KIAA0232: variants seen among roughly 807,000 people sequenced by gnomAD.
The protein encoded by KIAA0232 is uncharacterized protein KIAA0232.
In KIAA0232, 27 loss-of-function variants were observed where a neutral mutation model predicts 122.0. The ratio of observed to expected loss-of-function variants is 0.22; its 90% CI spans 0.16 to 0.31. KIAA0232 has a LOEUF of 0.31. Among genes scored for constraint, KIAA0232 ranks in the 10% least tolerant of loss-of-function variants. KIAA0232 has a pLI of 1.00. For missense variants in KIAA0232, 1,551 were observed against 1,634.2 expected, an observed-to-expected ratio of 0.95 and a Z score of 0.88; for synonymous variants, 613 against 587.6, an observed-to-expected ratio of 1.04 and a Z score of -0.63.
Position 6,863,022 on chromosome 4 carries a change from G to A in KIAA0232, c.2640G>A (p.Arg880=), listed in dbSNP as rs773016466. 4.3e-5 allele frequency: 70 copies of A among 1,614,112 alleles called. No individual in the cohort carries two copies. Among genetic ancestry groups the A allele is most frequent in the Non-Finnish European group, 5.3e-5 (62 of 1,180,052 alleles). The change falls in exon 7 of 10, where the codon AGG becomes AGA. Residue 880 remains arginine (R), a synonymous_variant. Transcript: ENST00000307659. Reference sequence around the variant, plus strand: ...AGGAGCCTGATAAGGCTGTGCGGAGGTCAGAGTACCATCTGTGGGAGGGAC... The same window carrying A: ...AGGAGCCTGATAAGGCTGTGCGGAGATCAGAGTACCATCTGTGGGAGGGAC... ...TLQEPDKAVR[R]SEYHLWEGQK...
chr4:6,823,033 G>GT (rs1560174751), intron 2 of KIAA0232, among the ~76,000 whole-genome samples: 3 of 150,206 alleles, frequency 2.0e-5, no homozygotes, highest in East Asian at 3.9e-4. Context: ...GTGGTGTTTG[G>GT]TTTTTTGTTC....
intron 2 of KIAA0232, among the ~76,000 whole-genome samples, chr4:6,817,287 C>T (rs116586729): frequency 1.1e-3 from 173 of 152,258 alleles, no homozygotes; most frequent in African/African-American, 3.6e-3. Flanking sequence ...GATCTCGACT[C>T]GCTGCAGCCG....
At chr4:6,792,585 A>G (rs144903148) in intron 1 of KIAA0232, among the ~76,000 whole-genome samples, 158 of 152,184 alleles carry the variant, frequency 1.0e-3, no homozygotes, top group African/African-American at 3.7e-3. Flanking sequence ...CATAAAGTTT[A>G]TAAAGGCACA....
chr4:6,866,081 C>A, intron 7 of KIAA0232: 1 of 252,818 alleles, frequency 4.0e-6, no homozygotes. Flanking sequence ...CCCATTGAAA[C>A]ACTGCTAAGA....
rs754749642 is a variant in KIAA0232, at chr4:6,876,649, A to G, written c.3911-11A>G. 1 of 1,562,910 alleles carries G rather than the reference A, an allele frequency of 6.4e-7. No individual in the cohort carries two copies. Among genetic ancestry groups the G allele is most frequent in the Non-Finnish European group, 8.8e-7 (1 of 1,133,376 alleles). On this transcript the variant is annotated splice_polypyrimidine_tract_variant and intron_variant, in intron 8 of 9. Transcript: ENST00000307659. ...TTCCCTCTTTTCCCTTCTCCATTCCAAATGATTAAGAATGTTACACAAATG... is the reference window on the plus strand; with the variant it reads ...TTCCCTCTTTTCCCTTCTCCATTCCGAATGATTAAGAATGTTACACAAATG...
intron 3 of KIAA0232, among the ~76,000 whole-genome samples, chr4:6,836,703 C>T (rs1719300083): frequency 6.6e-6 from 1 of 151,910 alleles, no homozygotes; most frequent in Non-Finnish European, 1.5e-5. Flanking sequence ...CCGCCTTCCG[C>T]AGTGTTTGTG....
chr4:6,843,024 A>G (rs181315123), intron 4 of KIAA0232, among the ~76,000 whole-genome samples: 1 of 152,282 alleles, frequency 6.6e-6, no homozygotes, highest in Admixed American at 6.5e-5. Context: ...TTGGCATATG[A>G]TTTATATATT....
At chr4:6,788,833 A>G (rs1054699491) in intron 1 of KIAA0232, among the ~76,000 whole-genome samples, 1 of 152,230 alleles carries the variant, frequency 6.6e-6, no homozygotes, top group Non-Finnish European at 1.5e-5. Context: ...GGCAGCTTTT[A>G]GCTATTAATT....
intron 2 of KIAA0232, among the ~76,000 whole-genome samples, chr4:6,807,305 A>G (rs1717682847): frequency 1.3e-5 from 2 of 152,188 alleles, no homozygotes; most frequent in African/African-American, 4.8e-5. Flanking sequence ...TCAAGTAGTA[A>G]TCTTATCTAT....
chr4:6,832,442 A>AG (rs1261078856), intron 3 of KIAA0232, among the ~76,000 whole-genome samples: 1 of 146,888 alleles, frequency 6.8e-6, no homozygotes, highest in Non-Finnish European at 1.5e-5. Context: ...TCCACCTCCC[A>AG]GGTTCAAGCG....
At position 6,862,620 on chromosome 4, in the gene KIAA0232, TCCTAGAGTCTC is replaced by T; in HGVS notation, c.2239_2249del (p.Pro747ValfsTer6). The T allele has an allele frequency of 6.2e-7, 1 of 1,613,536 alleles. No individual in the cohort carries two copies. The highest frequency in any genetic ancestry group is 8.5e-7 in the Non-Finnish European group (1 of 1,179,890). Reference sequence around the variant, plus strand: ...ATGCCGAAGATATTAATTATGTAGTTCCTAGAGTCTCGTCAAATTATGTAGATGAAGAACTT... The same window carrying T: ...ATGCCGAAGATATTAATTATGTAGTTGTCAAATTATGTAGATGAAGAACTT... On this transcript the variant is annotated frameshift_variant, in exon 7 of 10. Coordinates refer to ENST00000307659, the MANE Select transcript of KIAA0232 (RefSeq NM_014743.3). LOFTEE classifies it high-confidence loss of function.
At chr4:6,783,929 G>C (rs933540803) in intron 1 of KIAA0232, among the ~76,000 whole-genome samples, 1 of 152,210 alleles carries the variant, frequency 6.6e-6, no homozygotes, top group East Asian at 1.9e-4. Context: ...TGTGTGTCGT[G>C]TTGGAATGCT....
At chr4:6,789,206 C>T (rs1365434093) in intron 1 of KIAA0232, among the ~76,000 whole-genome samples, 10 of 151,770 alleles carry the variant, frequency 6.6e-5, no homozygotes, top group Non-Finnish European at 1.3e-4. Flanking sequence ...CTCCTGACCT[C>T]GTGGTCTGCC....
At chr4:6,822,784 T>A (rs950924330) in intron 2 of KIAA0232, among the ~76,000 whole-genome samples, 1 of 151,562 alleles carries the variant, frequency 6.6e-6, no homozygotes, top group Non-Finnish European at 1.5e-5. Flanking sequence ...TTTTTTAATT[T>A]ATTATTATTA....
intron 7 of KIAA0232, among the ~76,000 whole-genome samples, chr4:6,869,757 C>CA (rs1721373415): frequency 6.6e-6 from 1 of 152,200 alleles, no homozygotes; most frequent in African/African-American, 2.4e-5. Context: ...ACATAACAGA[C>CA]ACTCATTACG....
At chr4:6,818,039 C>G (rs1718218229) in intron 2 of KIAA0232, among the ~76,000 whole-genome samples, 1 of 152,068 alleles carries the variant, frequency 6.6e-6, no homozygotes, top group Admixed American at 6.6e-5. Context: ...TTACTTTTAA[C>G]CTATTTGTGT....
chr4:6,803,584 C>G (rs1159298513), intron 1 of KIAA0232, among the ~76,000 whole-genome samples: 1 of 152,112 alleles, frequency 6.6e-6, no homozygotes, highest in Admixed American at 6.5e-5. Context: ...CTAGAGTTGT[C>G]TAATTTCATA....
chr4:6,844,549 C>T (rs1719853584), intron 4 of KIAA0232, among the ~76,000 whole-genome samples: 1 of 152,110 alleles, frequency 6.6e-6, no homozygotes, highest in Admixed American at 6.5e-5. Flanking sequence ...GATTCTCCTG[C>T]CTCAGCCTCC....
chr4:6,809,751 G>T (rs2108965610), intron 2 of KIAA0232, among the ~76,000 whole-genome samples: 1 of 151,996 alleles, frequency 6.6e-6, no homozygotes, highest in South Asian at 2.1e-4. Flanking sequence ...TACAAAATCG[G>T]CATACAAAAA....
Sources: allele counts gnomAD v4.1 joint callset (sites outside exome capture counted in the v4.1 genomes callset), GRCh38; gene constraint gnomAD v4.1.1; transcripts MANE v1.5; gene names NCBI Gene and HGNC (gene_info 2026-07-23, HGNC 2026-07-21).